RNF17: variants seen among roughly 807,000 people sequenced by gnomAD.
The protein encoded by RNF17 is spermatogenesis associated 23.
A neutral mutation model predicts 200.5 loss-of-function variants in RNF17; 31 were observed. The ratio of observed to expected loss-of-function variants is 0.15; its 90% confidence interval spans 0.12 to 0.21. The LOEUF (loss-of-function observed/expected upper bound fraction) is 0.21. RNF17 is among the 10% of genes least tolerant of loss of function. The pLI is 1.00. For missense variants in RNF17, 1,628 were observed against 1,905.1 expected (o/e 0.85, Z 2.71); for synonymous variants, 606 against 637.8 (o/e 0.95, Z 0.75).
intron 3 of RNF17, among the ~76,000 whole-genome samples, chr13:24,777,144 T>C (rs1881686238): frequency 6.6e-6 from 1 of 152,248 alleles, no homozygotes; most frequent in Admixed American, 6.5e-5. Flanking sequence ...ATTTACTGAT[T>C]TGTCTTTAAT....
At chr13:24,880,390 T>C (rs1015283530), downstream of RNF17, among the ~76,000 whole-genome samples, 8 of 152,178 alleles carry the variant, frequency 5.3e-5, no homozygotes, top group Non-Finnish European at 1.0e-4. Context: ...CAATTCGAGA[T>C]TTTGGGTGGG....
chr13:24,836,685 C>T (rs1890031102), intron 18 of RNF17, among the ~76,000 whole-genome samples: 1 of 152,134 alleles, frequency 6.6e-6, no homozygotes, highest in Admixed American at 6.5e-5. Context: ...ACCAAGCCAC[C>T]ACTACAAGAA....
Position 24,844,964 on chromosome 13 carries a change from T to A in RNF17, c.2986T>A (p.Leu996Met). The change falls in exon 22 of 36, where the codon TTG (leucine) becomes ATG (methionine). Residue 996 changes from leucine (L) to methionine (M), a missense_variant. Physicochemically the swap from Leu to Met is conservative, Grantham distance 15 (BLOSUM62 2). This residue lies in a region of RNF17 where 227 missense variants were observed against 319.8 expected (regional missense o/e 0.71). Transcript: ENST00000255324. ...CTTAAAGTTATTATTTTCTTAGGTC[T>A]TGCTGTATGATGTGGGTGTTGAACT... Reference protein sequence around the residue: ...RMVTDTLVEVLLYDVGVELVV... With the variant: ...RMVTDTLVEVMLYDVGVELVV... 1.9e-6 allele frequency: 3 copies of A among 1,596,470 alleles called. No individual in the cohort carries two copies. Among genetic ancestry groups the A allele is most frequent in the Non-Finnish European group, 2.6e-6 (3 of 1,165,026 alleles).
chr13:24,881,620 T>G (rs1288759007), downstream of RNF17, among the ~76,000 whole-genome samples: 1 of 151,278 alleles, frequency 6.6e-6, no homozygotes, highest in Non-Finnish European at 1.5e-5. Context: ...TACATAGCTA[T>G]CTATAATCTA....
intron 31 of RNF17, 98 bp downstream of exon 31, chr13:24,868,814 TTC>T: frequency 1.4e-6 from 1 of 729,038 alleles, no homozygotes; most frequent in Non-Finnish European, 2.4e-6. Flanking sequence ...TTTTCCTGAT[TTC>T]AAATGTTGCA....
intron 24 of RNF17, among the ~76,000 whole-genome samples, chr13:24,852,136 C>CTTT (rs542414882): frequency 6.5e-5 from 8 of 123,384 alleles, no homozygotes; most frequent in Admixed American, 8.7e-5. Context: ...CTCTCTCTCT[C>CTTT]TTTTTTTTTT....
chr13:24,760,619 A>C (rs1878655785), upstream of RNF17, among the ~76,000 whole-genome samples: 1 of 152,208 alleles, frequency 6.6e-6, no homozygotes, highest in Non-Finnish European at 1.5e-5. Flanking sequence ...AAAATAGACA[A>C]ACAGGATTAC....
chr13:24,827,626 C>G (rs978194440), intron 16 of RNF17, among the ~76,000 whole-genome samples: 1 of 133,618 alleles, frequency 7.5e-6, no homozygotes, highest in Admixed American at 8.4e-5. Context: ...GGCGTGAACC[C>G]GGGAGGCGGA....
At chr13:24,757,068 T>G in the RNF17 span, among the ~76,000 whole-genome samples, 1 of 152,244 alleles carries the variant, frequency 6.6e-6, no homozygotes, top group East Asian at 1.9e-4. Flanking sequence ...TGCAATTCAA[T>G]CATTTAGGTC....
At position 24,866,163 on chromosome 13, in the gene RNF17, A is replaced by T; in HGVS notation, c.4121A>T (p.Asp1374Val). ...TTTCAGAAACCAAGATCAGATCATG[A>T]TAAAAAGTATGAAGAGGAACAATGG... The part of the protein sequence containing the change: ...MLKEKPRSDH[D>V]KKYEEEQWEI... Residue 1374 changes from aspartate (D) to valine (V), a missense_variant, in exon 30 of 36, where the codon GAT becomes GTT. Asp to Val is a radical substitution (Grantham distance 152). Around this residue, in one of 5 missense-constraint regions of RNF17, gnomAD observed 609 missense variants for 681.9 expected, o/e 0.89. Transcript: ENST00000255324. 1 of 1,546,438 alleles carries T rather than the reference A, an allele frequency of 6.5e-7. No individual in the cohort carries two copies.
chr13:24,848,383 C>T (rs904949430), intron 22 of RNF17, among the ~76,000 whole-genome samples: 4 of 152,152 alleles, frequency 2.6e-5, no homozygotes, highest in South Asian at 2.1e-4. Context: ...CATTCATGGC[C>T]GGACGCGGTG....
At chr13:24,863,973 G>A (rs1278789467) in intron 28 of RNF17, among the ~76,000 whole-genome samples, 3 of 152,188 alleles carry the variant, frequency 2.0e-5, no homozygotes, top group Non-Finnish European at 4.4e-5. Flanking sequence ...GGGCTGAGCA[G>A]TAGGAAATCC....
the RNF17 span, chr13:24,751,316 T>TATATATATATATATATATATATA: frequency 1.0e-5 from 1 of 98,972 alleles, no homozygotes; most frequent in South Asian, 3.0e-4. Flanking sequence ...ATATATATAT[T>TATATATATATATATATATATATA]TTTTTTTACT....
downstream of RNF17, among the ~76,000 whole-genome samples, chr13:24,884,877 C>T (rs1425069203): frequency 3.3e-5 from 5 of 152,312 alleles, no homozygotes; most frequent in Non-Finnish European, 4.4e-5. Flanking sequence ...CCCTCATCAC[C>T]TCTAACCTGT....
At position 24,868,682 on chromosome 13, in the gene RNF17, C is replaced by T. The variant is rs979058737; in HGVS notation, c.4244C>T (p.Ala1415Val). 4.4e-6 allele frequency: 7 copies of T among 1,596,918 alleles called. No homozygotes were observed. Among genetic ancestry groups the T allele is most frequent in the Non-Finnish European group, 6.0e-6 (7 of 1,164,430 alleles). Residue 1415 changes from alanine to valine, a missense_variant, in exon 31 of 36, where the codon GCT becomes GTT. Coordinates refer to ENST00000255324, the MANE Select transcript of RNF17 (RefSeq NM_031277.3). ...SSLPSPGELYAVQVKHVVSPN... is the reference protein window; with the variant it reads ...SSLPSPGELYVVQVKHVVSPN... Reference sequence around the variant, plus strand: ...CTGCCTTCCCCAGGAGAACTCTATGCTGTTCAAGTTAAGCACGTTGTCTCA... The same window carrying T: ...CTGCCTTCCCCAGGAGAACTCTATGTTGTTCAAGTTAAGCACGTTGTCTCA...
upstream of RNF17, among the ~76,000 whole-genome samples, chr13:24,762,358 G>C (rs1035749165): frequency 8.8e-6 from 1 of 113,656 alleles, no homozygotes; most frequent in Admixed American, 1.1e-4. Flanking sequence ...GACAGAGCAA[G>C]ACTCCATTTC....
intron 25 of RNF17, among the ~76,000 whole-genome samples, chr13:24,855,316 A>G (rs1265852506): frequency 6.6e-6 from 1 of 152,086 alleles, no homozygotes; most frequent in Non-Finnish European, 1.5e-5. Context: ...TTTCTAGGGC[A>G]CATAATCTAG....
At chr13:24,882,165 T>TGTAG (rs1307803305), downstream of RNF17, 3 of 4,076 alleles carry the variant, frequency 7.4e-4, 1 homozygote, top group Non-Finnish European at 3.8e-3. Flanking sequence ...GATACATCTA[T>TGTAG]ATAGATAGAT....
At chr13:24,768,807 T>A (rs1880185163) in intron 2 of RNF17, among the ~76,000 whole-genome samples, 1 of 151,948 alleles carries the variant, frequency 6.6e-6, no homozygotes, top group Admixed American at 6.6e-5. Flanking sequence ...ATGTAACAGT[T>A]CTCCGTAAGC....
Sources: gnomAD v4.1 joint callset for allele counts (sites outside exome capture counted in the v4.1 genomes callset) on GRCh38, gnomAD v4.1.1 for gene constraint, gnomAD v4.1.1 regional missense constraint, MANE v1.5 for transcripts, NCBI Gene and HGNC (gene_info 2026-07-23, HGNC 2026-07-21) for gene names.